KAZN: variants seen among roughly 807,000 people sequenced by gnomAD.
KAZN encodes the protein kazrin.
A neutral mutation model predicts 87.4 loss-of-function variants in KAZN; 40 were observed. The observed-to-expected ratio is 0.46, with a 90% confidence interval of 0.36 to 0.60. The LOEUF is 0.60. Ranked by LOEUF, KAZN falls within the 20% of genes least tolerant of loss-of-function variation. The probability of loss-of-function intolerance (pLI) is 0.00; values close to 1 mark genes in which losing one functional copy is unlikely to be tolerated. For missense variants in KAZN, 898 were observed against 1,073.9 expected, an observed-to-expected ratio of 0.84 and a Z score of 2.29; for synonymous variants, 466 against 458.3, an observed-to-expected ratio of 1.02 and a Z score of -0.22.
chr1:14,525,205 T>C (rs753554414), intron 2 of KAZN, among the ~76,000 whole-genome samples: 10 of 152,258 alleles, frequency 6.6e-5, no homozygotes, highest in Non-Finnish European at 1.3e-4. Flanking sequence ...GTACATATTG[T>C]ACAAATGTGC....
intron 1 of KAZN, among the ~76,000 whole-genome samples, chr1:13,908,527 G>A (rs12142455): frequency 0.2 from 30,302 of 152,174 alleles, 3,387 homozygotes; most frequent in Non-Finnish European, 0.26. Flanking sequence ...GTTGTCCCCA[G>A]TTTAAACAAA....
intron 2 of KAZN, among the ~76,000 whole-genome samples, chr1:14,355,400 A>ATTTTTATTTATT (rs1327855336): frequency 2.7e-5 from 4 of 147,902 alleles, no homozygotes; most frequent in African/African-American, 9.9e-5. Context: ...AACAATCTAC[A>ATTTTTATTTATT]TATTTATTTA....
intron 2 of KAZN, among the ~76,000 whole-genome samples, chr1:15,027,580 C>T (rs911854059): frequency 1.3e-5 from 2 of 152,198 alleles, no homozygotes; most frequent in African/African-American, 4.8e-5. Context: ...ATTGGTTTGC[C>T]AGGCTTTCTG....
At chr1:14,394,518 A>C (rs759165106) in intron 2 of KAZN, among the ~76,000 whole-genome samples, 1 of 152,166 alleles carries the variant, frequency 6.6e-6, no homozygotes. Flanking sequence ...TCATTTTTAT[A>C]ATCTAAAGCC....
chr1:14,608,687 C>G (rs572254747), intron 1 of KAZN, among the ~76,000 whole-genome samples: 2 of 152,182 alleles, frequency 1.3e-5, no homozygotes, highest in Admixed American at 6.5e-5. Context: ...GCTTTTCTGT[C>G]CTCTTTTCAA....
At chr1:14,529,075 G>A (rs915625163) in intron 2 of KAZN, among the ~76,000 whole-genome samples, 10 of 152,058 alleles carry the variant, frequency 6.6e-5, no homozygotes, top group African/African-American at 1.9e-4. Flanking sequence ...AGGCCGAGGC[G>A]GGCAGATTAC....
At chr1:14,934,777 A>AAAT (rs2101600701) in intron 1 of KAZN, among the ~76,000 whole-genome samples, 1 of 152,298 alleles carries the variant, frequency 6.6e-6, no homozygotes, top group South Asian at 2.1e-4. Flanking sequence ...GTATCCATCT[A>AAAT]AATACTCAAT....
chr1:14,600,637 C>T (rs528514984), intron 1 of KAZN, among the ~76,000 whole-genome samples: 5 of 131,850 alleles, frequency 3.8e-5, no homozygotes, highest in Non-Finnish European at 6.1e-5. Context: ...TCATTGTGTG[C>T]GAAAGAACAT....
At chr1:14,506,863 C>T (rs1670611180) in intron 2 of KAZN, among the ~76,000 whole-genome samples, 1 of 152,162 alleles carries the variant, frequency 6.6e-6, no homozygotes, top group African/African-American at 2.4e-5. Flanking sequence ...CGGTGGCTAC[C>T]GATTGGACTT....
chr1:14,299,286 T>C (rs562627113), intron 2 of KAZN, among the ~76,000 whole-genome samples: 1 of 152,236 alleles, frequency 6.6e-6, no homozygotes, highest in East Asian at 1.9e-4. Flanking sequence ...GTGGATCACC[T>C]GAGCTCAGGA....
At chr1:13,938,859 C>A (rs1161084657) in intron 1 of KAZN, among the ~76,000 whole-genome samples, 1 of 152,236 alleles carries the variant, frequency 6.6e-6, no homozygotes, top group African/African-American at 2.4e-5. Context: ...ATGGTTTGCA[C>A]CCTCTGCAGC....
intron 1 of KAZN, among the ~76,000 whole-genome samples, chr1:14,131,169 C>T (rs1165690796): frequency 6.6e-6 from 1 of 152,158 alleles, no homozygotes; most frequent in African/African-American, 2.4e-5. Context: ...CTTGTGAGAA[C>T]TCACTCGCTA....
intron 2 of KAZN, among the ~76,000 whole-genome samples, chr1:14,980,916 G>A (rs1374435997): frequency 2.6e-5 from 4 of 152,130 alleles, no homozygotes; most frequent in Admixed American, 6.5e-5. Flanking sequence ...CCTAGACTGC[G>A]TGTCTTCAGT....
chr1:14,627,123 A>C (rs1679201502), intron 1 of KAZN, among the ~76,000 whole-genome samples: 1 of 151,772 alleles, frequency 6.6e-6, no homozygotes, highest in Non-Finnish European at 1.5e-5. Flanking sequence ...ACTGTAGTGC[A>C]CTGGGGCTGC....
At chr1:15,103,543 C>T in intron 12 of KAZN, 83 bp downstream of exon 12, 1 of 884,312 alleles carries the variant, frequency 1.1e-6, no homozygotes, top group Non-Finnish European at 1.9e-6. Context: ...ATATGCAAAT[C>T]ACATGCAAAT....
chr1:14,171,885 G>T (rs1163628884), intron 1 of KAZN, among the ~76,000 whole-genome samples: 1 of 152,126 alleles, frequency 6.6e-6, no homozygotes, highest in African/African-American at 2.4e-5. Context: ...ACGGTAAGCT[G>T]TTATTTCTCT....
chr1:14,690,781 C>T (rs1434691097), intron 1 of KAZN, among the ~76,000 whole-genome samples: 1 of 152,184 alleles, frequency 6.6e-6, no homozygotes, highest in Non-Finnish European at 1.5e-5. Flanking sequence ...AAGACTGACT[C>T]TGGAGACCTC....
At chr1:14,145,119 G>A (rs947413678) in intron 1 of KAZN, among the ~76,000 whole-genome samples, 10 of 151,700 alleles carry the variant, frequency 6.6e-5, no homozygotes, top group South Asian at 4.2e-4. Flanking sequence ...CATTATTTAC[G>A]ACTCTCCCAG....
intron 1 of KAZN, among the ~76,000 whole-genome samples, chr1:14,010,518 C>A (rs1477152965): frequency 6.6e-6 from 1 of 152,174 alleles, no homozygotes; most frequent in Admixed American, 6.5e-5. Flanking sequence ...CTCAACTCAC[C>A]ATCCAAGTCT....
Sources: gnomAD v4.1 joint callset for allele counts (sites outside exome capture counted in the v4.1 genomes callset) on GRCh38, gnomAD v4.1.1 for gene constraint, MANE v1.5 for transcripts, NCBI Gene and HGNC (gene_info 2026-07-23, HGNC 2026-07-21) for gene names.